GTF3C2: variants seen among roughly 807,000 people sequenced by gnomAD.
GTF3C2 encodes the protein general transcription factor 3C polypeptide 2.
In GTF3C2, 17 loss-of-function variants were observed where a neutral mutation model predicts 117.4. The ratio of observed to expected loss-of-function variants is 0.14; its 90% CI spans 0.10 to 0.22. GTF3C2 has a LOEUF of 0.22. Among genes scored for constraint, GTF3C2 ranks in the 10% least tolerant of loss-of-function variants. The pLI, the probability that GTF3C2 is intolerant of heterozygous loss-of-function variation, is 1.00. For synonymous variants in GTF3C2, 437 were observed against 427.0 expected, an observed-to-expected ratio of 1.02 and a Z score of -0.29; for missense variants, 888 against 1,143.6, an observed-to-expected ratio of 0.78 and a Z score of 3.22.
intron 4 of GTF3C2, among the ~76,000 whole-genome samples, chr2:27,338,553 T>C (rs780663311): frequency 6.6e-6 from 1 of 152,132 alleles, no homozygotes; most frequent in Non-Finnish European, 1.5e-5. Flanking sequence ...GTTTTTGAGA[T>C]AGGGTCTCAC....
intron 1 of GTF3C2, among the ~76,000 whole-genome samples, chr2:27,354,507 T>G (rs1681256621): frequency 6.6e-6 from 1 of 152,192 alleles, no homozygotes; most frequent in Non-Finnish European, 1.5e-5. Context: ...ACGCCTGTAA[T>G]CCCAGCACTT....
intron 5 of GTF3C2, 92 bp downstream of exon 5, chr2:27,337,832 AGT>A: frequency 1.3e-6 from 1 of 793,846 alleles, no homozygotes. Flanking sequence ...TCCACCCATG[AGT>A]GCTTCTCTTT....
chr2:27,326,719 G>A (rs1178292839), exon 19 of GTF3C2: 1 of 1,614,008 alleles, frequency 6.2e-7, no homozygotes, highest in South Asian at 1.1e-5. Context: ...GAGAAGCCAG[G>A]CCGTCTAGTG....
chr2:27,339,376 T>C (rs917980220), intron 4 of GTF3C2, among the ~76,000 whole-genome samples: 1 of 125,672 alleles, frequency 8.0e-6, no homozygotes, highest in Non-Finnish European at 1.6e-5. Context: ...GCCATTGCAC[T>C]CCAGCCTGGG....
At chr2:27,332,461 C>G (rs1008446346) in intron 12 of GTF3C2, among the ~76,000 whole-genome samples, 1 of 151,828 alleles carries the variant, frequency 6.6e-6, no homozygotes, top group African/African-American at 2.4e-5. Context: ...GTCCTCCAGG[C>G]TAGAGTACAG....
Position 27,329,280 on chromosome 2 carries a change from T to C in GTF3C2, c.1880A>G (p.His627Arg). ...GTCACTCCCCGCAGAGACAAGGAAA[T>C]GGCTGTAAAAAGACGGGAGAAGGTC... The change falls in exon 14 of 19, where the codon CAT becomes CGT. Residue 627 changes from histidine (H) to arginine (R), a missense_variant and splice_region_variant. Coordinates refer to ENST00000264720, the Ensembl canonical transcript of GTF3C2. The surrounding 1 kb of genome is among the most constrained non-coding windows in gnomAD (Gnocchi z 4.5). 6 of 1,614,134 alleles carry C rather than the reference T, an allele frequency of 3.7e-6. No individual in the cohort carries two copies. Among genetic ancestry groups the C allele is most frequent in the Non-Finnish European group, 5.1e-6 (6 of 1,180,018 alleles).
chr2:27,354,938 A>T (rs1681277164), intron 1 of GTF3C2, among the ~76,000 whole-genome samples: 1 of 152,208 alleles, frequency 6.6e-6, no homozygotes, highest in African/African-American at 2.4e-5. Flanking sequence ...TCATTAATTC[A>T]TCAATAAATT....
chr2:27,350,948 CAAAAAAAAA>C (rs1179397836), intron 1 of GTF3C2, among the ~76,000 whole-genome samples: 2 of 97,366 alleles, frequency 2.1e-5, no homozygotes, highest in African/African-American at 7.7e-5. Context: ...GACTCCATCT[CAAAAAAAAA>C]AAAAAAAAAT....
intron 1 of GTF3C2, among the ~76,000 whole-genome samples, chr2:27,346,516 T>C (rs1282314178): frequency 6.6e-6 from 1 of 151,224 alleles, no homozygotes; most frequent in East Asian, 1.9e-4. Flanking sequence ...CATGCCTGAC[T>C]AATTTTTGTA....
At chr2:27,339,126 A>C (rs1227283780) in intron 4 of GTF3C2, among the ~76,000 whole-genome samples, 1 of 152,022 alleles carries the variant, frequency 6.6e-6, no homozygotes, top group Non-Finnish European at 1.5e-5. Context: ...AAAATCAGTA[A>C]AGCCGGGCAT....
intron 3 of GTF3C2, chr2:27,342,580 T>C: frequency 1.8e-6 from 1 of 559,170 alleles, no homozygotes; most frequent in South Asian, 2.4e-5. Flanking sequence ...AATAAAGAGC[T>C]GGGTAAAGTT....
At chr2:27,328,788 G>A (rs1680180665) in intron 15 of GTF3C2, 56 bp downstream of exon 15, 6 of 1,265,570 alleles carry the variant, frequency 4.7e-6, no homozygotes, top group Non-Finnish European at 5.8e-6. Context: ...TACTAATAGT[G>A]CATAAATGAG....
intron 1 of GTF3C2, among the ~76,000 whole-genome samples, chr2:27,354,470 G>A (rs371416561): frequency 1.3e-5 from 2 of 152,302 alleles, no homozygotes; most frequent in South Asian, 2.1e-4. Flanking sequence ...AAGTCTTAAG[G>A]ATTTTCTAGG....
intron 1 of GTF3C2, chr2:27,356,406 T>C (rs926413701): frequency 3.7e-6 from 1 of 269,410 alleles, no homozygotes; most frequent in African/African-American, 2.2e-5. Context: ...GCCCTGGTTT[T>C]TCTAACAAGG....
chr2:27,328,732 A>C, intron 15 of GTF3C2, 112 bp downstream of exon 15: 1 of 1,048,348 alleles, frequency 9.5e-7, no homozygotes, highest in Non-Finnish European at 1.5e-6. Flanking sequence ...TGATAGAGTT[A>C]CAACATCCCT....
Position 27,329,543 on chromosome 2 carries a change from T to G in GTF3C2, c.1733-20A>C. 2 of 1,612,290 alleles carry G rather than the reference T, an allele frequency of 1.2e-6. No homozygotes were observed. Among genetic ancestry groups the G allele is most frequent in the Non-Finnish European group, 1.7e-6 (2 of 1,178,966 alleles). ...CCATGCCTGAAATAAGGACAGAATG[T>G]GTGAGCATTAAAAGCAAGTTCTCTC... On this transcript the variant is annotated intron_variant, in intron 12 of 18. Transcript: ENST00000264720. The surrounding 1 kb of genome is among the most constrained non-coding windows in gnomAD (Gnocchi z 4.5).
In GTF3C2 at chr2:27,337,831, G is replaced by A. The variant is rs935614517; in HGVS notation, c.950+95C>T. 4 of 792,852 alleles carry A rather than the reference G, an allele frequency of 5.0e-6. No homozygotes were observed. The African/African-American group carries it at 6.8e-5, about 13-fold the overall frequency. 49.1% of individuals were successfully genotyped at this position (792,852 alleles called of 1,614,324 possible). A position where few individuals can be genotyped will look rare whatever the true frequency, so the allele number is the denominator to read the frequency against. On this transcript the variant is annotated intron_variant, in intron 5 of 18. Coordinates refer to ENST00000264720, the Ensembl canonical transcript of GTF3C2. ...AATGTCATCACGGTATTCCACCCAT[G>A]AGTGCTTCTCTTTCCCACGGCCCCA...
At chr2:27,328,822 T>C in intron 15 of GTF3C2, 22 bp downstream of exon 15, 1 of 1,573,610 alleles carries the variant, frequency 6.4e-7, no homozygotes, top group South Asian at 1.1e-5. Flanking sequence ...TAATGAAGAC[T>C]GCAAAAGAAA....
intron 1 of GTF3C2, among the ~76,000 whole-genome samples, chr2:27,354,897 T>C (rs1681275206): frequency 2.0e-5 from 3 of 152,352 alleles, no homozygotes; most frequent in Non-Finnish European, 4.4e-5. Flanking sequence ...TTTCAAAAAA[T>C]ACTGCAATAA....
Sources: allele counts gnomAD v4.1 joint callset (sites outside exome capture counted in the v4.1 genomes callset), GRCh38; gene constraint gnomAD v4.1.1; non-coding constraint Gnocchi (gnomAD v3.1); transcripts MANE v1.5; gene names NCBI Gene and HGNC (gene_info 2026-07-23, HGNC 2026-07-21).